YME1L1: variants seen among roughly 807,000 people sequenced by gnomAD.
The protein encoded by YME1L1 is ATP-dependent zinc metalloprotease YME1L1.
In YME1L1, 39 loss-of-function variants were observed where a neutral mutation model predicts 90.4. The ratio of observed to expected loss-of-function variants is 0.43; its 90% confidence interval spans 0.33 to 0.56. YME1L1 has a LOEUF of 0.56. Among genes scored for constraint, YME1L1 ranks in the 20% least tolerant of loss-of-function variants. The pLI is 0.03. For synonymous variants in YME1L1, 284 were observed against 287.3 expected (o/e 0.99, Z 0.12); for missense variants, 617 against 868.4 (o/e 0.71, Z 3.64).
In YME1L1 at chr10:27,114,613, A is replaced by G. The variant is rs1471163312; in HGVS notation, c.1921-6T>C. On this transcript the variant is annotated splice_region_variant and splice_polypyrimidine_tract_variant and intron_variant, in intron 17 of 18. Coordinates refer to ENST00000376016, the MANE Select transcript of YME1L1 (RefSeq NM_014263.4). Reference sequence around the variant, plus strand: ...CTGTAGGTCATAACTCCAAGCTAAAACCAAAAGGAAGAAAGTAATTGAACA... The same window carrying G: ...CTGTAGGTCATAACTCCAAGCTAAAGCCAAAAGGAAGAAAGTAATTGAACA... 6.2e-7 allele frequency: 1 copy of G among 1,607,208 alleles called. No homozygotes were observed. Among genetic ancestry groups the G allele is most frequent in the Non-Finnish European group, 8.5e-7 (1 of 1,177,634 alleles).
chr10:27,153,603 G>A (rs1354654759), intron 1 of YME1L1, among the ~76,000 whole-genome samples: 1 of 152,170 alleles, frequency 6.6e-6, no homozygotes, highest in African/African-American at 2.4e-5. Flanking sequence ...CGATGAGGAT[G>A]AGGCTGAATC....
At chr10:27,123,448 TA>T (rs1360332078) in intron 10 of YME1L1, 98 bp downstream of exon 10, 12 of 1,395,594 alleles carry the variant, frequency 8.6e-6, no homozygotes, top group Admixed American at 2.5e-5. Context: ...AAATAGAAAT[TA>T]AAAAAAGGAA....
chr10:27,125,641 A>ATTTTTTT lies in YME1L1; in HGVS notation c.949+1048_949+1054dup, dbSNP rs199852948. ...GTTTTGTATGTATGTTAAATGTCCT[A>ATTTTTTT]TTTTTTTTTTTTTTTTGAGACAGAA... On this transcript the variant is annotated intron_variant, in intron 9 of 18. Coordinates refer to ENST00000376016, the MANE Select transcript of YME1L1 (RefSeq NM_014263.4). 2.1e-3 allele frequency among the ~76,000 whole-genome samples: 283 copies of ATTTTTTT among 134,156 alleles called. 3 individuals carry two copies. Among genetic ancestry groups the ATTTTTTT allele is most frequent in the African/African-American group, 7.5e-3 (272 of 36,314 alleles). The allele number at this position is 134,156 out of a possible 152,430, so 88.0% of individuals were successfully genotyped here.
intron 4 of YME1L1, 93 bp from the exon 5 acceptor site, chr10:27,136,478 T>G: frequency 2.1e-6 from 2 of 974,080 alleles, no homozygotes; most frequent in Non-Finnish European, 3.1e-6. Flanking sequence ...TACCTGTATA[T>G]CCTAGTCTAT....
chr10:27,149,346 A>G (rs1000927616), intron 1 of YME1L1, among the ~76,000 whole-genome samples: 1 of 152,210 alleles, frequency 6.6e-6, no homozygotes, highest in Non-Finnish European at 1.5e-5. Flanking sequence ...CATAGAGAAC[A>G]ACTCTCATCG....
chr10:27,126,551 T>C, intron 9 of YME1L1, 145 bp downstream of exon 9: 1 of 525,702 alleles, frequency 1.9e-6, no homozygotes, highest in Non-Finnish European at 3.3e-6. Flanking sequence ...GAATTGTATG[T>C]TCAGAATGAA....
In YME1L1 at chr10:27,145,666, TAAAAC is replaced by T. The variant is rs1405266829; in HGVS notation, c.169-81_169-77del. 6 of 1,200,074 alleles carry T rather than the reference TAAAAC, an allele frequency of 5.0e-6. No individual in the cohort carries two copies. In the Admixed American group the frequency reaches 9.8e-5, roughly 20 times the overall value. 74.3% of individuals were successfully genotyped at this position (1,200,074 alleles called of 1,614,324 possible). On this transcript the variant is annotated intron_variant, in intron 2 of 18. Transcript: ENST00000376016. ...AACCTAAGGAGTACATATTATCAGT[TAAAAC>T]AATCAGATTTTAAAAGTCTAACAAA...
chr10:27,121,517 A>G, intron 11 of YME1L1, 69 bp from the exon 12 acceptor site: 7 of 1,153,934 alleles, frequency 6.1e-6, no homozygotes, highest in Non-Finnish European at 9.0e-6. Flanking sequence ...AATGCTCTAC[A>G]CAAAACTGGT....
chr10:27,126,328 G>A (rs1288496807), intron 9 of YME1L1, among the ~76,000 whole-genome samples: 2 of 152,008 alleles, frequency 1.3e-5, no homozygotes, highest in Non-Finnish European at 2.9e-5. Context: ...TGTGGTCTCA[G>A]CTACTTGGGA....
chr10:27,115,303 C>T (rs2056801276), intron 17 of YME1L1, among the ~76,000 whole-genome samples: 1 of 150,644 alleles, frequency 6.6e-6, no homozygotes, highest in South Asian at 2.1e-4. Flanking sequence ...AAAGTATGAG[C>T]AAGACAGAAC....
rs748608574 is a variant in YME1L1 at position 27,148,950 on chromosome 10, G to C, written c.124C>G (p.Gln42Glu). 2.5e-6 allele frequency: 4 copies of C among 1,613,870 alleles called. No individual in the cohort carries two copies. Among genetic ancestry groups the C allele is most frequent in the African/African-American group, 2.7e-5 (2 of 74,880 alleles). Residue 42 changes from glutamine (Q) to glutamate (E), a missense_variant, in exon 2 of 19, where the codon CAG (glutamine) becomes GAG (glutamate). Transcript: ENST00000376016. ...SLSGVSVSQN[Q>E]HRDVVPEHEA... ...TGCTCAGGAACTACATCTCGATGCT[G>C]GTTTTGAGAAACTGACACTCCACTG...
chr10:27,114,796 G>A (rs1447122693), intron 17 of YME1L1, among the ~76,000 whole-genome samples, 189 bp from the exon 18 acceptor site: 1 of 152,164 alleles, frequency 6.6e-6, no homozygotes, highest in Non-Finnish European at 1.5e-5. Context: ...GGGAGGCCGA[G>A]GCGGGTGGAT....
intron 17 of YME1L1, 39 bp from the exon 18 acceptor site, chr10:27,114,646 C>A: frequency 1.3e-6 from 2 of 1,483,168 alleles, no homozygotes; most frequent in Non-Finnish European, 1.9e-6. Context: ...ACAGAAAACC[C>A]CCAAACACCA....
At position 27,147,445 on chromosome 10, in the gene YME1L1, G is replaced by A. The variant is rs1350531209; in HGVS notation, c.168+1461C>T. 3.7e-6 allele frequency: 6 copies of A among 1,614,116 alleles called. No individual in the cohort carries two copies. The South Asian group carries it at 4.4e-5, about 12-fold the overall frequency. The stretch of plus-strand genomic sequence containing the variant: ...CCTGAACTAAGCCGTGACTAAGAAC[G>A]ATGGACAAAACAAATCATAGACAAT... On this transcript the variant is annotated intron_variant, in intron 2 of 18. Transcript: ENST00000376016.
At chr10:27,125,641 A>AT (rs199852948) in intron 9 of YME1L1, among the ~76,000 whole-genome samples, 1,935 of 134,140 alleles carry the variant, frequency 0.014, 18 homozygotes, top group Middle Eastern at 0.033. Flanking sequence ...TAAATGTCCT[A>AT]TTTTTTTTTT....
intron 8 of YME1L1, among the ~76,000 whole-genome samples, chr10:27,130,411 T>A (rs1169646516): frequency 6.6e-6 from 1 of 152,150 alleles, no homozygotes; most frequent in Non-Finnish European, 1.5e-5. Context: ...AAATATAATC[T>A]CCTATTTTTA....
chr10:27,153,885 T>C (rs765788056), intron 1 of YME1L1, among the ~76,000 whole-genome samples: 1 of 152,128 alleles, frequency 6.6e-6, no homozygotes, highest in South Asian at 2.1e-4. Flanking sequence ...CACTGAACAA[T>C]GCCGGACGGA....
chr10:27,146,086 T>G (rs1388825267), intron 2 of YME1L1: 1 of 152,398 alleles, frequency 6.6e-6, no homozygotes, highest in Non-Finnish European at 1.5e-5. Context: ...TCCCCAACAG[T>G]GTAGAACTGA....
chr10:27,119,099 A>G (rs1203618437), intron 14 of YME1L1, among the ~76,000 whole-genome samples, 195 bp downstream of exon 14: 7 of 152,200 alleles, frequency 4.6e-5, no homozygotes, highest in Admixed American at 4.6e-4. Context: ...GTTTAATGGC[A>G]TTTGTTTGAT....
Sources: allele counts gnomAD v4.1 joint callset (sites outside exome capture counted in the v4.1 genomes callset), GRCh38; gene constraint gnomAD v4.1.1; transcripts MANE v1.5; gene names NCBI Gene and HGNC (gene_info 2026-07-23, HGNC 2026-07-21).